NEK11: variants seen among roughly 807,000 people sequenced by gnomAD.
NEK11 encodes the protein NIMA related kinase 11.
A neutral mutation model predicts 80.7 loss-of-function variants in NEK11; 72 were observed. That is an observed-to-expected ratio of 0.89 (90% CI 0.74 to 1.08). The LOEUF is 1.08. Ranked by LOEUF, NEK11 falls within the 50% of genes least tolerant of loss-of-function variation. NEK11 has a pLI of 0.00. For synonymous variants in NEK11, 251 were observed against 260.7 expected, an observed-to-expected ratio of 0.96 and a Z score of 0.36; for missense variants, 764 against 763.6, an observed-to-expected ratio of 1.00 and a Z score of -0.01.
chr3:131,071,824 T>C (rs2073374903), intron 3 of NEK11, among the ~76,000 whole-genome samples: 1 of 152,182 alleles, frequency 6.6e-6, no homozygotes, highest in Admixed American at 6.6e-5. Context: ...AGCCAAGTTA[T>C]ACATTTTTTG....
At chr3:131,108,432 A>G (rs2079539554) in intron 4 of NEK11, among the ~76,000 whole-genome samples, 1 of 152,260 alleles carries the variant, frequency 6.6e-6, no homozygotes, top group South Asian at 2.1e-4. Context: ...GCATCCTGCA[A>G]AGACTAAACA....
intron 5 of NEK11, among the ~76,000 whole-genome samples, chr3:131,115,950 CTTTCTTTCTT>C (rs1468455168): frequency 2.4e-5 from 3 of 125,016 alleles, no homozygotes; most frequent in African/African-American, 9.2e-5. Flanking sequence ...TTCTTTCTTT[CTTTCTTTCTT>C]TCTTTCTTTC....
At chr3:131,115,478 G>C (rs892690340) in intron 5 of NEK11, among the ~76,000 whole-genome samples, 1 of 152,198 alleles carries the variant, frequency 6.6e-6, no homozygotes, top group Admixed American at 6.5e-5. Context: ...TACAGAAAAA[G>C]TGAAGAATCT....
At chr3:131,243,224 A>G (rs1436848587) in intron 15 of NEK11, among the ~76,000 whole-genome samples, 1 of 152,156 alleles carries the variant, frequency 6.6e-6, no homozygotes, top group Non-Finnish European at 1.5e-5. Context: ...TGTTTTTGCC[A>G]TGACAGATAG....
rs373280466 is a variant in NEK11, at chr3:131,094,782, T to C, written c.336+14194T>C. Reference sequence around the variant, plus strand: ...TCCAGCAGGTGCTGGAAATGTATCATCTGAGTGTTTTATTGTCTTGTCAAA... The same window carrying C: ...TCCAGCAGGTGCTGGAAATGTATCACCTGAGTGTTTTATTGTCTTGTCAAA... On this transcript the variant is annotated intron_variant, in intron 4 of 17. Transcript: ENST00000383366. Among the ~76,000 whole-genome samples, 14 of 152,314 alleles carry C rather than the reference T, an allele frequency of 9.2e-5. No individual in the cohort carries two copies. The East Asian group carries it at 1.5e-3, about 17-fold the overall frequency.
At chr3:131,043,694 G>A (rs2066893240) in intron 3 of NEK11, among the ~76,000 whole-genome samples, 1 of 152,172 alleles carries the variant, frequency 6.6e-6, no homozygotes, top group African/African-American at 2.4e-5. Flanking sequence ...CACTCATCAG[G>A]ATATTATCCG....
At chr3:131,326,992 C>A (rs4974473) in intron 17 of NEK11, among the ~76,000 whole-genome samples, 8 of 152,108 alleles carry the variant, frequency 5.3e-5, no homozygotes, top group Admixed American at 5.2e-4. Flanking sequence ...CCAGAGGACA[C>A]AGCAAAAAAG....
chr3:131,090,733 T>C (rs1187002045), intron 4 of NEK11, among the ~76,000 whole-genome samples: 1 of 152,206 alleles, frequency 6.6e-6, no homozygotes, highest in East Asian at 1.9e-4. Flanking sequence ...TCTATCATAA[T>C]TAAATCCTTA....
At chr3:131,200,225 T>G (rs1009775755) in intron 14 of NEK11, among the ~76,000 whole-genome samples, 1 of 152,132 alleles carries the variant, frequency 6.6e-6, no homozygotes, top group Non-Finnish European at 1.5e-5. Context: ...AGAAAGTAAC[T>G]TCCAACCTGT....
intron 16 of NEK11, among the ~76,000 whole-genome samples, chr3:131,268,620 G>C (rs1242557779): frequency 6.6e-6 from 1 of 152,202 alleles, no homozygotes; most frequent in Non-Finnish European, 1.5e-5. Context: ...AGCAGCAATT[G>C]CTGCCTGTTC....
chr3:131,269,470 T>G (rs1269173902), intron 16 of NEK11, among the ~76,000 whole-genome samples: 2 of 152,104 alleles, frequency 1.3e-5, no homozygotes, highest in Admixed American at 1.3e-4. Flanking sequence ...TGGGCCAGAG[T>G]GCACCATTCC....
At chr3:131,133,993 C>T (rs879574384) in intron 7 of NEK11, 37 bp downstream of exon 7, 1 of 1,533,196 alleles carries the variant, frequency 6.5e-7, no homozygotes, top group Non-Finnish European at 8.8e-7. Flanking sequence ...TCATCTGCTT[C>T]CCTAAAAGAA....
chr3:131,165,325 C>T (rs959072), intron 11 of NEK11, 101 bp from the exon 12 acceptor site: 132,477 of 728,798 alleles, frequency 0.18, 13,286 homozygotes, highest in African/African-American at 0.31. Flanking sequence ...TTTCTAATCC[C>T]CCAGTCAGTC....
At chr3:131,115,674 G>A (rs1001360954) in intron 5 of NEK11, among the ~76,000 whole-genome samples, 2 of 152,178 alleles carry the variant, frequency 1.3e-5, no homozygotes, top group Non-Finnish European at 2.9e-5. Flanking sequence ...GGGGAGTTCA[G>A]TTATGTCAAT....
intron 4 of NEK11, among the ~76,000 whole-genome samples, chr3:131,102,238 T>C (rs2078480135): frequency 6.6e-6 from 1 of 152,102 alleles, no homozygotes; most frequent in African/African-American, 2.4e-5. Flanking sequence ...TGTTAGCCGG[T>C]TGTTATGTAG....
At chr3:131,134,183 T>G (rs962029768) in intron 7 of NEK11, 25 of 364,910 alleles carry the variant, frequency 6.9e-5, no homozygotes, top group African/African-American at 4.8e-4. Flanking sequence ...TTTGGATTTT[T>G]GGTTCCTGAA....
At chr3:131,180,374 A>G (rs944275485) in intron 14 of NEK11, among the ~76,000 whole-genome samples, 1 of 152,206 alleles carries the variant, frequency 6.6e-6, no homozygotes, top group African/African-American at 2.4e-5. Context: ...GAATCATGTG[A>G]AATTTATGTT....
chr3:131,136,668 A>G (rs574567502), intron 7 of NEK11, among the ~76,000 whole-genome samples: 9 of 152,324 alleles, frequency 5.9e-5, no homozygotes, highest in Middle Eastern at 3.4e-3. Flanking sequence ...TATAGCATTC[A>G]GTACAGGAAG....
At chr3:131,343,868 G>T (rs907572858) in intron 17 of NEK11, among the ~76,000 whole-genome samples, 4 of 152,196 alleles carry the variant, frequency 2.6e-5, no homozygotes, top group African/African-American at 9.7e-5. Context: ...AGGCCTCTGG[G>T]CCTGTCATGG....
Sources: gnomAD v4.1 joint callset for allele counts (sites outside exome capture counted in the v4.1 genomes callset) on GRCh38, gnomAD v4.1.1 for gene constraint, MANE v1.5 for transcripts, NCBI Gene and HGNC (gene_info 2026-07-23, HGNC 2026-07-21) for gene names.